PKM: variants seen among roughly 807,000 people sequenced by gnomAD.
PKM encodes pyruvate kinase PKM.
In PKM, 18 loss-of-function variants were observed where a neutral mutation model predicts 49.8. The ratio of observed to expected loss-of-function variants is 0.36; its 90% CI spans 0.25 to 0.54. The LOEUF is 0.54. Ranked by LOEUF, PKM falls within the 20% of genes least tolerant of loss-of-function variation. The pLI is 0.89. For missense variants in PKM, 508 were observed against 713.8 expected, an observed-to-expected ratio of 0.71 and a Z score of 3.28; for synonymous variants, 239 against 261.8, an observed-to-expected ratio of 0.91 and a Z score of 0.84.
Position 72,210,415 on chromosome 15 carries a change from G to C in PKM, c.310C>G (p.Leu104Val), listed in dbSNP as rs746464820. 1 of 1,614,220 alleles carries C rather than the reference G, an allele frequency of 6.2e-7. No homozygotes were observed. Residue 104 changes from leucine to valine, a missense_variant, in exon 4 of 11, where the codon CTC becomes GTC. Leu to Val is a conservative substitution (Grantham distance 32). Transcript: ENST00000335181. ...ATESFASDPI[L>V]YRPVAVALDT... ...AGAGCCACAGCAACGGGCCGGTAGAGGATGGGGTCAGAAGCAAAGCTTTCC... is the reference window on the plus strand; with the variant it reads ...AGAGCCACAGCAACGGGCCGGTAGACGATGGGGTCAGAAGCAAAGCTTTCC...
intron 8 of PKM, 26 bp downstream of exon 8, chr15:72,206,702 G>A (rs1303089759): frequency 1.2e-6 from 2 of 1,611,650 alleles, no homozygotes; most frequent in Non-Finnish European, 1.7e-6. Flanking sequence ...GAAGCCCTGG[G>A]GGATGGGGCA....
Position 72,207,112 on chromosome 15 carries a change from A to C in PKM, c.987+15T>G. 6.2e-7 allele frequency: 1 copy of C among 1,613,078 alleles called. No homozygotes were observed. Among genetic ancestry groups the C allele is most frequent in the Non-Finnish European group, 8.5e-7 (1 of 1,179,762 alleles). On this transcript the variant is annotated intron_variant, in intron 7 of 10. Transcript: ENST00000335181. Reference sequence around the variant, plus strand: ...GAGTGTGCACATGAGAATGTGGGGAAGGGTGGGCACATGCCTGAGTAGCAC... The same window carrying C: ...GAGTGTGCACATGAGAATGTGGGGACGGGTGGGCACATGCCTGAGTAGCAC...
intron 3 of PKM, among the ~76,000 whole-genome samples, chr15:72,217,094 G>A (rs1404996962): frequency 6.6e-6 from 1 of 152,142 alleles, no homozygotes; most frequent in Admixed American, 6.5e-5. Context: ...CTGTGGCCAG[G>A]ACACCTAAGG....
intron 3 of PKM, among the ~76,000 whole-genome samples, chr15:72,213,299 G>A (rs1256120860): frequency 2.0e-5 from 3 of 152,128 alleles, no homozygotes; most frequent in South Asian, 4.1e-4. Context: ...TTTGATCTCA[G>A]TATCAGCGTA....
chr15:72,214,240 G>C (rs1051169658), intron 3 of PKM, among the ~76,000 whole-genome samples: 1 of 152,004 alleles, frequency 6.6e-6, no homozygotes, highest in Non-Finnish European at 1.5e-5. Context: ...GGGTTTTTTT[G>C]GTGGCCTAAT....
intron 3 of PKM, 114 bp downstream of exon 3, chr15:72,217,295 A>G (rs1421101269): frequency 1.4e-6 from 1 of 737,954 alleles, no homozygotes; most frequent in East Asian, 2.5e-5. Context: ...CTTCACACTG[A>G]CTGTGAAACT....
chr15:72,206,788 C>T lies in PKM; in HGVS notation c.1080G>A (p.Met360Ile). 1 of 1,614,138 alleles carries T rather than the reference C, an allele frequency of 6.2e-7. No individual in the cohort carries two copies. The highest frequency in any genetic ancestry group is 8.5e-7 in the Non-Finnish European group (1 of 1,180,012). The change falls in exon 8 of 11, where the codon ATG becomes ATA. Residue 360 changes from methionine to isoleucine, a missense_variant. Coordinates refer to ENST00000335181, the MANE Select transcript of PKM (RefSeq NM_002654.6). ...NAVLDGADCI[M>I]LSGETAKGDY... ...CCCCTTTGGCTGTTTCTCCAGACAG[C>T]ATGATGCAGTCGGCTCCATCCAGGA...
intron 8 of PKM, chr15:72,204,594 T>A (rs1444424242): frequency 2.0e-5 from 3 of 152,136 alleles, no homozygotes; most frequent in Non-Finnish European, 4.4e-5. Flanking sequence ...ATAACCCTCA[T>A]CTATAAATGG....
intron 1 of PKM, among the ~76,000 whole-genome samples, chr15:72,225,825 G>A (rs935084633): frequency 1.9e-4 from 29 of 152,286 alleles, no homozygotes; most frequent in Admixed American, 2.0e-4. Context: ...TGTAGTACAT[G>A]TCTCCCTGTA....
chr15:72,216,250 G>A (rs957436810), intron 3 of PKM, among the ~76,000 whole-genome samples: 2 of 152,216 alleles, frequency 1.3e-5, no homozygotes, highest in African/African-American at 4.8e-5. Flanking sequence ...CAGGTGCAAA[G>A]TTTGCCTCTT....
At chr15:72,205,346 T>C (rs1195039450) in intron 8 of PKM, among the ~76,000 whole-genome samples, 1 of 152,110 alleles carries the variant, frequency 6.6e-6, no homozygotes, top group Non-Finnish European at 1.5e-5. Flanking sequence ...GCTGGTCTTC[T>C]GAGCTCAAGC....
At chr15:72,203,850 G>T (rs911910403) in intron 8 of PKM, 2 of 152,712 alleles carry the variant, frequency 1.3e-5, no homozygotes, top group African/African-American at 4.8e-5. Context: ...GAAGCATGCA[G>T]ATATATTTAA....
intron 2 of PKM, among the ~76,000 whole-genome samples, chr15:72,218,596 T>G (rs558163880): frequency 6.6e-6 from 1 of 151,812 alleles, no homozygotes; most frequent in African/African-American, 2.4e-5. Flanking sequence ...ATTTTTTTTT[T>G]TTTTTTTTCA....
intron 8 of PKM, among the ~76,000 whole-genome samples, chr15:72,205,742 A>C (rs1596731743): frequency 6.6e-6 from 1 of 150,454 alleles, no homozygotes; most frequent in South Asian, 2.1e-4. Flanking sequence ...CTAGAAAGGG[A>C]ATAGAAAGGC....
intron 6 of PKM, among the ~76,000 whole-genome samples, chr15:72,208,252 C>G (rs2082136276): frequency 6.6e-6 from 1 of 152,078 alleles, no homozygotes; most frequent in South Asian, 2.1e-4. Context: ...CTGCTGTCAT[C>G]TTTCCCCCTG....
At chr15:72,224,430 T>G (rs2082606334) in intron 1 of PKM, among the ~76,000 whole-genome samples, 1 of 152,158 alleles carries the variant, frequency 6.6e-6, no homozygotes, top group Non-Finnish European at 1.5e-5. Flanking sequence ...GGAAAGGCAG[T>G]GCCAACTCTC....
rs8192407 is a variant in PKM, at chr15:72,209,809, C to T, written c.429G>A (p.Thr143=). 1,011 of 1,614,028 alleles carry T rather than the reference C, an allele frequency of 6.3e-4. 13 individuals carry two copies. The Admixed American group carries it at 0.016, about 25-fold the overall frequency. The change falls in exon 5 of 11, where the codon ACG becomes ACA. Residue 143 remains threonine, a synonymous_variant. Transcript: ENST00000335181. ...ELKKGATLKI[T]LDNAYMEKCD... Reference sequence around the variant, plus strand: ...ACTTTTCCATGTAGGCGTTATCCAGCGTGATTTTGAGAGTGGCTCCCTTCT... The same window carrying T: ...ACTTTTCCATGTAGGCGTTATCCAGTGTGATTTTGAGAGTGGCTCCCTTCT...
At chr15:72,221,789 G>A (rs368853177) in intron 1 of PKM, among the ~76,000 whole-genome samples, 1 of 151,844 alleles carries the variant, frequency 6.6e-6, no homozygotes, top group Non-Finnish European at 1.5e-5. Flanking sequence ...AAAGACGCAT[G>A]TCTCAAGTTC....
chr15:72,223,021 TTC>T (rs1261290351), intron 1 of PKM, among the ~76,000 whole-genome samples: 1 of 150,766 alleles, frequency 6.6e-6, no homozygotes, highest in African/African-American at 2.5e-5. Context: ...CTTTTTTTTT[TTC>T]TTTTTTTTTT....
Sources: allele counts gnomAD v4.1 joint callset (sites outside exome capture counted in the v4.1 genomes callset), GRCh38; gene constraint gnomAD v4.1.1; transcripts MANE v1.5; gene names NCBI Gene and HGNC (gene_info 2026-07-23, HGNC 2026-07-21).